Variants in TUT7 observed in about 807,000 individuals in gnomAD.
The protein encoded by TUT7 is terminal uridylyltransferase 7.
TUT7 carries 33 observed loss-of-function variants against 165.9 expected under a neutral mutation model. The ratio of observed to expected loss-of-function variants is 0.20; its 90% confidence interval spans 0.15 to 0.27. The LOEUF (loss-of-function observed/expected upper bound fraction) is 0.27, where lower values mean the gene tolerates loss of function less well. TUT7 is among the 10% of genes least tolerant of loss of function. The probability of loss-of-function intolerance (pLI) is 1.00; values close to 1 mark genes in which losing one functional copy is unlikely to be tolerated. For synonymous variants in TUT7, 552 were observed against 608.1 expected (o/e 0.91, Z 1.36); for missense variants, 1,338 against 1,762.3 (o/e 0.76, Z 4.31).
intron 2 of TUT7, among the ~76,000 whole-genome samples, chr9:86,350,064 G>A (rs190146333): frequency 6.6e-6 from 1 of 152,214 alleles, no homozygotes; most frequent in Non-Finnish European, 1.5e-5. Context: ...GGGTGCAGTG[G>A]CTCACACCTG....
At chr9:86,325,979 A>G (rs898342777) in intron 11 of TUT7, among the ~76,000 whole-genome samples, 1 of 152,234 alleles carries the variant, frequency 6.6e-6, no homozygotes, top group Non-Finnish European at 1.5e-5. Context: ...ACATAAGCAC[A>G]TTGACTCTGT....
At position 86,322,965 on chromosome 9, in the gene TUT7, T is replaced by G; in HGVS notation, c.2785A>C (p.Lys929Gln). ...TTTTCTTCACATACATTTTCTTCCTTGAGACTTATTTTATTAAGTTCCACT... is the reference window on the plus strand; with the variant it reads ...TTTTCTTCACATACATTTTCTTCCTGGAGACTTATTTTATTAAGTTCCACT... Reference protein sequence around the residue: ...LLVELNKISLKEENVCEEKNS... With the variant: ...LLVELNKISLQEENVCEEKNS... Residue 929 changes from lysine to glutamine, a missense_variant, in exon 13 of 27, where the codon AAG becomes CAG. Around this residue, in one of 7 missense-constraint regions of TUT7, gnomAD observed 425 missense variants for 474.9 expected, o/e 0.89. Transcript: ENST00000375963. 1 of 1,613,978 alleles carries G rather than the reference T, an allele frequency of 6.2e-7. No individual in the cohort carries two copies. Among genetic ancestry groups the G allele is most frequent in the Non-Finnish European group, 8.5e-7 (1 of 1,179,944 alleles).
chr9:86,295,256 T>C (rs1826212943), intron 26 of TUT7, among the ~76,000 whole-genome samples: 1 of 152,114 alleles, frequency 6.6e-6, no homozygotes, highest in African/African-American at 2.4e-5. Flanking sequence ...TAAATGATGG[T>C]GGGTATGAAA....
chr9:86,324,082 C>A, intron 12 of TUT7, 122 bp from the exon 13 acceptor site: 1 of 929,848 alleles, frequency 1.1e-6, no homozygotes, highest in East Asian at 2.9e-5. Context: ...ATTTATCTTG[C>A]ATTTTATAGA....
chr9:86,338,601 A>G (rs1037410035), intron 9 of TUT7, among the ~76,000 whole-genome samples: 11 of 152,298 alleles, frequency 7.2e-5, no homozygotes, highest in Middle Eastern at 3.4e-3. Flanking sequence ...CTGATTTTTA[A>G]TAAGCCCTAT....
At chr9:86,290,281 C>A (rs1294695033) in intron 26 of TUT7, among the ~76,000 whole-genome samples, 1 of 152,130 alleles carries the variant, frequency 6.6e-6, no homozygotes, top group Admixed American at 6.5e-5. Flanking sequence ...TTATTTTCTT[C>A]ATTTTACTTA....
intron 16 of TUT7, among the ~76,000 whole-genome samples, chr9:86,318,367 A>G (rs1485891616): frequency 6.6e-6 from 1 of 152,206 alleles, no homozygotes; most frequent in African/African-American, 2.4e-5. Flanking sequence ...TTCTGTCCCA[A>G]TAAAACTTTA....
intron 26 of TUT7, among the ~76,000 whole-genome samples, chr9:86,290,982 T>G (rs1247781330): frequency 6.6e-6 from 1 of 152,168 alleles, no homozygotes; most frequent in Non-Finnish European, 1.5e-5. Context: ...ATGGATATCT[T>G]TATGACCTCA....
chr9:86,328,282 A>C (rs1051016980), intron 11 of TUT7, 58 bp downstream of exon 11: 1 of 1,486,154 alleles, frequency 6.7e-7, no homozygotes, highest in African/African-American at 1.4e-5. Flanking sequence ...AGACTGACTA[A>C]TCCACAACTT....
Position 86,309,086 on chromosome 9 carries a change from A to AT in TUT7, c.3660+125dup, listed in dbSNP as rs530049934. On this transcript the variant is annotated intron_variant, in intron 21 of 26. Coordinates refer to ENST00000375963, the MANE Select transcript of TUT7 (RefSeq NM_024617.4). ...ATCAAAGAAAGCATCTGAAAACACT[A>AT]TTTTTTTTACTATCATAAGATATAT... The AT allele has an allele frequency of 5.5e-4, 338 of 612,906 alleles. 1 individual carries two copies. Among genetic ancestry groups the AT allele is most frequent in the Non-Finnish European group, 8.2e-4 (293 of 355,840 alleles). The allele number at this position is 612,906 out of a possible 1,614,324, so 38.0% of individuals were successfully genotyped here.
Position 86,301,356 on chromosome 9 carries a change from T to C in TUT7, c.4340A>G (p.Asp1447Gly). The C allele has an allele frequency of 6.2e-7, 1 of 1,614,160 alleles. No homozygotes were observed. The highest frequency in any genetic ancestry group is 8.5e-7 in the Non-Finnish European group (1 of 1,180,030). ...AATAAAACAACGTTTTTCTCTTAAG[T>C]CTTTGTCATCCTGTCTCTTCCATTT... Reference protein sequence around the residue: ...VEKWKRQDDKDLREKRCFICG... With the variant: ...VEKWKRQDDKGLREKRCFICG... Residue 1447 changes from aspartate (D) to glycine (G), a missense_variant, in exon 26 of 27, where the codon GAC (aspartate) becomes GGC (glycine). By Grantham distance (94) the Asp-to-Gly change is moderately conservative. Transcript: ENST00000375963.
intron 24 of TUT7, among the ~76,000 whole-genome samples, chr9:86,304,150 T>C (rs1324196903): frequency 1.3e-5 from 2 of 152,176 alleles, no homozygotes; most frequent in African/African-American, 2.4e-5. Flanking sequence ...TGAGGTGATA[T>C]ATATATGTTA....
At chr9:86,306,228 C>A (rs772479573) in intron 22 of TUT7, among the ~76,000 whole-genome samples, 7 of 152,120 alleles carry the variant, frequency 4.6e-5, no homozygotes, top group Non-Finnish European at 1.0e-4. Context: ...ATGGATATAG[C>A]ATACACAAGA....
chr9:86,325,238 T>C lies in TUT7; in HGVS notation c.1789+96A>G, dbSNP rs1829685836. On this transcript the variant is annotated intron_variant, in intron 12 of 26. Transcript: ENST00000375963. ...TTTGAGGGCAGGCCTACCTTACTTGTAGGAGCTGAAAAGAGACTGAAATAA... is the reference window on the plus strand; with the variant it reads ...TTTGAGGGCAGGCCTACCTTACTTGCAGGAGCTGAAAAGAGACTGAAATAA... 8 of 1,201,374 alleles carry C rather than the reference T, an allele frequency of 6.7e-6. No homozygotes were observed. In the South Asian group the frequency reaches 7.2e-5, roughly 11 times the overall value. 74.4% of individuals were successfully genotyped at this position (1,201,374 alleles called of 1,614,324 possible).
chr9:86,328,848 T>C (rs986247289), intron 10 of TUT7, among the ~76,000 whole-genome samples: 1 of 152,166 alleles, frequency 6.6e-6, no homozygotes. Flanking sequence ...TTACTCTCTG[T>C]AGGCCTCAGG....
At chr9:86,329,085 G>A (rs554850000) in intron 10 of TUT7, among the ~76,000 whole-genome samples, 33 of 152,122 alleles carry the variant, frequency 2.2e-4, no homozygotes, top group Non-Finnish European at 4.4e-4. Context: ...TGGGTATGCT[G>A]GACATTTTCA....
At chr9:86,325,924 C>T (rs1829748312) in intron 11 of TUT7, among the ~76,000 whole-genome samples, 1 of 152,092 alleles carries the variant, frequency 6.6e-6, no homozygotes, top group Admixed American at 6.5e-5. Context: ...TAGCTAAAGG[C>T]ATAGAGAAAA....
intron 10 of TUT7, among the ~76,000 whole-genome samples, chr9:86,333,222 T>G (rs1259635572): frequency 1.3e-5 from 2 of 152,224 alleles, no homozygotes; most frequent in Non-Finnish European, 2.9e-5. Flanking sequence ...GCATCAGTTC[T>G]TTAAGCCTTG....
chr9:86,348,809 C>T (rs1832011386), intron 2 of TUT7, among the ~76,000 whole-genome samples: 2 of 152,060 alleles, frequency 1.3e-5, no homozygotes, highest in African/African-American at 4.8e-5. Context: ...TAACTAACAA[C>T]ATAAAAACTG....
Sources: gnomAD v4.1 joint callset for allele counts (sites outside exome capture counted in the v4.1 genomes callset) on GRCh38, gnomAD v4.1.1 for gene constraint, gnomAD v4.1.1 regional missense constraint, MANE v1.5 for transcripts, NCBI Gene and HGNC (gene_info 2026-07-23, HGNC 2026-07-21) for gene names.